PCDHGA5: variants seen among roughly 807,000 people sequenced by gnomAD.
The protein encoded by PCDHGA5 is protocadherin gamma subfamily A, 5.
A neutral mutation model predicts 56.7 loss-of-function variants in PCDHGA5; 36 were observed. That is an observed-to-expected ratio of 0.64 (90% CI 0.49 to 0.84). The LOEUF (loss-of-function observed/expected upper bound fraction) is 0.84, where lower values mean the gene tolerates loss of function less well. Ranked by LOEUF, PCDHGA5 falls within the 40% of genes least tolerant of loss-of-function variation. The probability of loss-of-function intolerance (pLI) is 0.00; values close to 1 mark genes in which losing one functional copy is unlikely to be tolerated. For missense variants in PCDHGA5, 1,305 were observed against 1,201.5 expected, an observed-to-expected ratio of 1.09 and a Z score of -1.27; for synonymous variants, 563 against 520.2, an observed-to-expected ratio of 1.08 and a Z score of -1.12.
intron 1 of PCDHGA5, among the ~76,000 whole-genome samples, chr5:141,447,724 A>T (rs2098549653): frequency 6.6e-6 from 1 of 152,126 alleles, no homozygotes. Flanking sequence ...ATTTTCCAAA[A>T]CTCATTGAAC....
At chr5:141,371,656 C>G (rs772257649) in intron 1 of PCDHGA5, 2 of 1,614,004 alleles carry the variant, frequency 1.2e-6, no homozygotes, top group Non-Finnish European at 1.7e-6. Flanking sequence ...TACAATGTGA[C>G]GATCACAGCT....
Position 141,493,022 on chromosome 5 carries a change from G to C in PCDHGA5, c.2422-1785G>C, listed in dbSNP as rs1184742888. On this transcript the variant is annotated intron_variant, in intron 1 of 3. Transcript: ENST00000518069. This position sits in a 1 kb window ranked among gnomAD's most constrained non-coding sequence, Gnocchi z 4.3. Reference sequence around the variant, plus strand: ...GCTATAGGCTCTGCCAGATGCCAGGGTGCCCTTATGTGTGAGGAAACTACA... The same window carrying C: ...GCTATAGGCTCTGCCAGATGCCAGGCTGCCCTTATGTGTGAGGAAACTACA... Among the ~76,000 whole-genome samples the C allele has an allele frequency of 6.6e-6, 1 of 152,222 alleles. No individual in the cohort carries two copies. Among genetic ancestry groups the C allele is most frequent in the Non-Finnish European group, 1.5e-5 (1 of 68,040 alleles).
At chr5:141,397,926 A>T in intron 1 of PCDHGA5, 1 of 753,888 alleles carries the variant, frequency 1.3e-6, no homozygotes, top group Non-Finnish European at 2.1e-6. Context: ...CTCCTCGCGC[A>T]GCCGCAGCGC....
intron 1 of PCDHGA5, chr5:141,385,224 T>C (rs751833387): frequency 1.2e-6 from 2 of 1,614,206 alleles, no homozygotes; most frequent in Non-Finnish European, 1.7e-6. Context: ...AGCCCAACTA[T>C]GTAGACATGC....
At position 141,364,855 on chromosome 5, in the gene PCDHGA5, T is replaced by A. The variant is rs772829595; in HGVS notation, c.525T>A (p.Asn175Lys). 3.1e-6 allele frequency: 5 copies of A among 1,613,874 alleles called. No homozygotes were observed. The African/African-American group carries it at 5.3e-5, about 17-fold the overall frequency. The stretch of plus-strand genomic sequence containing the variant: ...TCCGGAGTTACCAGCTCAGCTCCAA[T>A]CTGCACTTCTCTCTGGATGTGGTAA... ...NSLRSYQLSS[N>K]LHFSLDVVSG... Residue 175 changes from asparagine (N) to lysine (K), a missense_variant, in exon 1 of 4, where the codon AAT (asparagine) becomes AAA (lysine). Physicochemically the swap from Asn to Lys is moderately conservative, Grantham distance 94. Coordinates refer to ENST00000518069, the MANE Select transcript of PCDHGA5 (RefSeq NM_018918.3).
At chr5:141,393,028 C>T in intron 1 of PCDHGA5, 6 of 1,613,768 alleles carry the variant, frequency 3.7e-6, no homozygotes, top group Non-Finnish European at 5.1e-6. Context: ...AGAGGTAGGA[C>T]GCAGCTCTTT....
intron 1 of PCDHGA5, chr5:141,427,649 C>T (rs1283312654): frequency 1.4e-6 from 1 of 717,274 alleles, no homozygotes; most frequent in East Asian, 2.7e-5. Context: ...AAGTCTCCTA[C>T]GTGGTCCACG....
chr5:141,423,513 G>C, intron 1 of PCDHGA5: 3 of 1,613,750 alleles, frequency 1.9e-6, no homozygotes, highest in Non-Finnish European at 1.7e-6. Flanking sequence ...CTCTCATTGC[G>C]GACTCGCAGA....
At chr5:141,392,751 A>T in intron 1 of PCDHGA5, 1 of 1,453,336 alleles carries the variant, frequency 6.9e-7, no homozygotes, top group South Asian at 1.5e-5. Flanking sequence ...CTGCGGCAAG[A>T]AACTAAATAA....
chr5:141,430,970 A>G (rs1026736997), intron 1 of PCDHGA5: 3 of 1,613,068 alleles, frequency 1.9e-6, no homozygotes, highest in Non-Finnish European at 2.5e-6. Context: ...CCCCAGAGGT[A>G]GGACGCAGCT....
At chr5:141,410,715 G>C (rs1237496496) in intron 1 of PCDHGA5, 1 of 1,422,664 alleles carries the variant, frequency 7.0e-7, no homozygotes, top group Non-Finnish European at 9.4e-7. Context: ...AGAATCATAT[G>C]TTTAAAATCC....
intron 1 of PCDHGA5, chr5:141,389,913 C>A (rs751155354): frequency 6.2e-7 from 1 of 1,614,092 alleles, no homozygotes; most frequent in Non-Finnish European, 8.5e-7. Context: ...CACTGACCGC[C>A]CCGACCCCTC....
chr5:141,400,217 T>G, intron 1 of PCDHGA5: 1 of 1,614,034 alleles, frequency 6.2e-7, no homozygotes, highest in Non-Finnish European at 8.5e-7. Context: ...TTGATCTCAG[T>G]GCTCTTCCTC....
intron 1 of PCDHGA5, chr5:141,384,102 T>G (rs1156310174): frequency 1.3e-6 from 2 of 1,599,484 alleles, no homozygotes; most frequent in Admixed American, 3.4e-5. Flanking sequence ...TAGATAATTA[T>G]TATAGATTGG....
At chr5:141,433,877 A>G (rs1481965040) in intron 1 of PCDHGA5, among the ~76,000 whole-genome samples, 5 of 151,470 alleles carry the variant, frequency 3.3e-5, no homozygotes, top group Admixed American at 6.6e-5. Context: ...AGTTTCATCC[A>G]TTGATGACAC....
intron 1 of PCDHGA5, chr5:141,394,120 C>T: frequency 5.0e-6 from 8 of 1,613,954 alleles, no homozygotes; most frequent in Non-Finnish European, 5.9e-6. Context: ...TCCACTGAAA[C>T]TCAAATCGCT....
At chr5:141,446,831 T>C (rs1237079019) in intron 1 of PCDHGA5, among the ~76,000 whole-genome samples, 2 of 152,186 alleles carry the variant, frequency 1.3e-5, no homozygotes, top group East Asian at 3.9e-4. Context: ...TAGATCCTTA[T>C]AAGGCTGAGC....
intron 2 of PCDHGA5, among the ~76,000 whole-genome samples, chr5:141,502,250 T>A (rs915754322): frequency 2.6e-5 from 4 of 152,242 alleles, no homozygotes; most frequent in East Asian, 3.8e-4. Context: ...TCCTTTTTTT[T>A]AATCCAGGAT....
At chr5:141,500,929 C>T (rs1347340945) in intron 2 of PCDHGA5, among the ~76,000 whole-genome samples, 2 of 151,210 alleles carry the variant, frequency 1.3e-5, no homozygotes, top group South Asian at 2.1e-4. Flanking sequence ...GGTGCAGTGG[C>T]GCCATCTCGG....
Sources: allele counts gnomAD v4.1 joint callset (sites outside exome capture counted in the v4.1 genomes callset), GRCh38; gene constraint gnomAD v4.1.1; non-coding constraint Gnocchi (gnomAD v3.1); transcripts MANE v1.5; gene names NCBI Gene and HGNC (gene_info 2026-07-23, HGNC 2026-07-21).